ACAP2: variants seen among roughly 807,000 people sequenced by gnomAD.
The protein encoded by ACAP2 is ArfGAP with coiled-coil, ankyrin repeat and PH domains 2.
In ACAP2, 39 loss-of-function variants were observed where a neutral mutation model predicts 115.8. The ratio of observed to expected loss-of-function variants is 0.34; its 90% CI spans 0.26 to 0.44. The LOEUF (loss-of-function observed/expected upper bound fraction) is 0.44, where lower values mean the gene tolerates loss of function less well. Ranked by LOEUF, ACAP2 falls within the 20% of genes least tolerant of loss-of-function variation. The pLI is 1.00. For synonymous variants in ACAP2, 289 were observed against 315.8 expected, an observed-to-expected ratio of 0.92 and a Z score of 0.90; for missense variants, 662 against 927.6, an observed-to-expected ratio of 0.71 and a Z score of 3.72.
chr3:195,340,034 G>A (rs1188923656), intron 6 of ACAP2, among the ~76,000 whole-genome samples: 1 of 151,388 alleles, frequency 6.6e-6, no homozygotes, highest in Non-Finnish European at 1.5e-5. Flanking sequence ...CTGGCCTGGA[G>A]AAGTCTGAGT....
rs1402949165 is a variant in ACAP2, at chr3:195,278,416, A to T, written c.*912T>A. 1 of 152,202 alleles carries T rather than the reference A, an allele frequency of 6.6e-6. No homozygotes were observed. The highest frequency in any genetic ancestry group is 1.5e-5 in the Non-Finnish European group (1 of 68,036). 9.4% of individuals were successfully genotyped at this position (152,202 alleles called of 1,614,324 possible). On this transcript the variant is annotated 3_prime_UTR_variant, in exon 23 of 23. Transcript: ENST00000326793. ...TAGGAGCAACAGCAAAACTATCTTT[A>T]AAAGGACAAATTTCAAATATAAAAA...
rs1734585459 is a variant in ACAP2 at position 195,390,346 on chromosome 3, G to A, written c.111+1744C>T. Reference sequence around the variant, plus strand: ...TCCTATCTAACCCTACAGGATTATTGTAAAAATTAAAAGGATACTACTATA... The same window carrying A: ...TCCTATCTAACCCTACAGGATTATTATAAAAATTAAAAGGATACTACTATA... On this transcript the variant is annotated intron_variant, in intron 2 of 22. Coordinates refer to ENST00000326793, the MANE Select transcript of ACAP2 (RefSeq NM_012287.6). Among the ~76,000 whole-genome samples, 7 of 152,172 alleles carry A rather than the reference G, an allele frequency of 4.6e-5. No homozygotes were observed. In the South Asian group the frequency reaches 1.5e-3, roughly 32 times the overall value.
chr3:195,355,748 G>T (rs1333305302), intron 4 of ACAP2, among the ~76,000 whole-genome samples: 1 of 152,192 alleles, frequency 6.6e-6, no homozygotes, highest in Non-Finnish European at 1.5e-5. Flanking sequence ...GTCCAGAAAG[G>T]TTAGTAAAAG....
At chr3:195,428,450 TATA>T (rs1272995619) in intron 1 of ACAP2, among the ~76,000 whole-genome samples, 58 of 151,876 alleles carry the variant, frequency 3.8e-4, no homozygotes, top group African/African-American at 1.4e-3. Flanking sequence ...CCCATGGGAT[TATA>T]ATATCATATT....
At chr3:195,327,781 A>G (rs1273642811) in intron 8 of ACAP2, among the ~76,000 whole-genome samples, 2 of 152,006 alleles carry the variant, frequency 1.3e-5, no homozygotes, top group Non-Finnish European at 2.9e-5. Context: ...ACTACAAAAA[A>G]TTAGCTGGGC....
chr3:195,355,928 A>G, intron 4 of ACAP2: 1 of 303,800 alleles, frequency 3.3e-6, no homozygotes, highest in South Asian at 2.7e-5. Flanking sequence ...AATAGAAACA[A>G]GCTGGAATGG....
chr3:195,299,794 C>T (rs1384477060), intron 15 of ACAP2, among the ~76,000 whole-genome samples: 4 of 151,892 alleles, frequency 2.6e-5, no homozygotes, highest in Admixed American at 6.6e-5. Flanking sequence ...GTCAAGATCG[C>T]GCCACTGCAC....
intron 1 of ACAP2, among the ~76,000 whole-genome samples, chr3:195,415,467 G>C (rs1350199989): frequency 2.0e-5 from 3 of 151,734 alleles, no homozygotes; most frequent in African/African-American, 7.3e-5. Flanking sequence ...AGTAGAGACG[G>C]GATTTCACCA....
intron 4 of ACAP2, among the ~76,000 whole-genome samples, chr3:195,360,608 A>T (rs1384774527): frequency 6.6e-6 from 1 of 152,190 alleles, no homozygotes; most frequent in African/African-American, 2.4e-5. Flanking sequence ...CAGCCTGGCC[A>T]ACATGGTGAA....
At chr3:195,288,565 T>C (rs964908167) in intron 21 of ACAP2, among the ~76,000 whole-genome samples, 1 of 151,972 alleles carries the variant, frequency 6.6e-6, no homozygotes, top group African/African-American at 2.4e-5. Context: ...AATTTTAAAA[T>C]ACAAATAATC....
chr3:195,366,274 T>C (rs1560291594), intron 4 of ACAP2, among the ~76,000 whole-genome samples: 1 of 152,266 alleles, frequency 6.6e-6, no homozygotes, highest in Non-Finnish European at 1.5e-5. Context: ...GCAATCTTGT[T>C]GAAGAAACAT....
chr3:195,322,577 T>C (rs1729519210), intron 9 of ACAP2, among the ~76,000 whole-genome samples: 1 of 152,150 alleles, frequency 6.6e-6, no homozygotes, highest in South Asian at 2.1e-4. Context: ...AATTGCTACA[T>C]TGCTTCCTAC....
At chr3:195,285,069 C>A (rs1726756122) in intron 22 of ACAP2, among the ~76,000 whole-genome samples, 2 of 152,130 alleles carry the variant, frequency 1.3e-5, no homozygotes, top group Admixed American at 1.3e-4. Flanking sequence ...CCATCAGGTG[C>A]AAAAAGTATT....
intron 6 of ACAP2, among the ~76,000 whole-genome samples, chr3:195,339,986 C>T (rs945100891): frequency 1.3e-5 from 2 of 151,344 alleles, no homozygotes; most frequent in African/African-American, 2.4e-5. Flanking sequence ...TACAAAAATA[C>T]GGCAACACAG....
At chr3:195,440,468 T>G (rs767018533) in intron 1 of ACAP2, among the ~76,000 whole-genome samples, 2 of 152,226 alleles carry the variant, frequency 1.3e-5, no homozygotes, top group Non-Finnish European at 2.9e-5. Context: ...GACAGTTATG[T>G]GCACACACTA....
chr3:195,349,561 G>A (rs915396604), intron 4 of ACAP2: 2 of 153,542 alleles, frequency 1.3e-5, no homozygotes, highest in African/African-American at 4.8e-5. Context: ...AAATATGCAA[G>A]ACTTGCACAG....
chr3:195,388,533 T>C (rs1734445199), intron 2 of ACAP2, among the ~76,000 whole-genome samples: 1 of 152,194 alleles, frequency 6.6e-6, no homozygotes, highest in Non-Finnish European at 1.5e-5. Context: ...CCTGGCATGA[T>C]TTACAATGAT....
At chr3:195,401,811 T>G (rs2108792935) in intron 1 of ACAP2, among the ~76,000 whole-genome samples, 1 of 152,304 alleles carries the variant, frequency 6.6e-6, no homozygotes, top group South Asian at 2.1e-4. Flanking sequence ...TAGATGACAG[T>G]AAAGCAGCTG....
At chr3:195,361,591 A>T (rs1307673362) in intron 4 of ACAP2, among the ~76,000 whole-genome samples, 1 of 152,134 alleles carries the variant, frequency 6.6e-6, no homozygotes, top group African/African-American at 2.4e-5. Flanking sequence ...ACCTTCAAAT[A>T]AACAACCTAA....
Sources: allele counts gnomAD v4.1 joint callset (sites outside exome capture counted in the v4.1 genomes callset), GRCh38; gene constraint gnomAD v4.1.1; transcripts MANE v1.5; gene names NCBI Gene and HGNC (gene_info 2026-07-23, HGNC 2026-07-21).